The following MAPT variants were observed in gnomAD, a reference collection of about 807,000 sequenced individuals.
MAPT encodes the protein microtubule associated protein tau.
Under a neutral mutation model 67.9 loss-of-function variants are expected in MAPT, and 34 were observed. That is an observed-to-expected ratio of 0.50 (90% CI 0.38 to 0.67). The LOEUF (loss-of-function observed/expected upper bound fraction) is 0.67, where lower values mean the gene tolerates loss of function less well. Ranked by LOEUF, MAPT falls within the 30% of genes least tolerant of loss-of-function variation. The pLI is 0.00. For missense variants in MAPT, 881 were observed against 1,115.2 expected (o/e 0.79, Z 2.99); for synonymous variants, 456 against 464.5 (o/e 0.98, Z 0.23).
At chr17:45,956,374 C>G (rs2069654364) in intron 1 of MAPT, among the ~76,000 whole-genome samples, 1 of 152,032 alleles carries the variant, frequency 6.6e-6, no homozygotes, top group Non-Finnish European at 1.5e-5. Context: ...TCCCTGGCTT[C>G]TCACACTTCC....
rs565535494 is a variant in MAPT, at chr17:46,024,254, G to C, written c.*83G>C. 1.6e-6 allele frequency: 2 copies of C among 1,224,204 alleles called. No individual in the cohort carries two copies. Among genetic ancestry groups the C allele is most frequent in the African/African-American group, 3.0e-5 (2 of 67,018 alleles). The allele number at this position is 1,224,204 out of a possible 1,614,324, so 75.8% of individuals were successfully genotyped here. On this transcript the variant is annotated 3_prime_UTR_variant, in exon 13 of 13. Transcript: ENST00000262410. ...AAAAAAGAATAATGACCCGGCCCCCGCCCTCTGCCCCCAGCTGCTCCTCGC... is the reference window on the plus strand; with the variant it reads ...AAAAAAGAATAATGACCCGGCCCCCCCCCTCTGCCCCCAGCTGCTCCTCGC...
intron 1 of MAPT, among the ~76,000 whole-genome samples, chr17:45,942,542 C>G (rs554488980): frequency 2.0e-5 from 3 of 152,332 alleles, no homozygotes; most frequent in Non-Finnish European, 2.9e-5. Flanking sequence ...ATTGCTTCCC[C>G]GCTGGTGGAC....
chr17:46,019,093 A>G (rs1311210110), intron 12 of MAPT, among the ~76,000 whole-genome samples: 1 of 152,342 alleles, frequency 6.6e-6, no homozygotes, highest in Non-Finnish European at 1.5e-5. Flanking sequence ...TTATAAAGGA[A>G]AGAGGTTTAA....
chr17:45,899,188 TAG>T (rs908461710), intron 1 of MAPT, among the ~76,000 whole-genome samples: 10 of 152,168 alleles, frequency 6.6e-5, no homozygotes, highest in African/African-American at 2.4e-4. Flanking sequence ...CTGAGATGTC[TAG>T]AGAGATGTTT....
In MAPT at chr17:45,952,601, A is replaced by G. The variant is rs924093547; in HGVS notation, c.-17-9720A>G. On this transcript the variant is annotated intron_variant, in intron 1 of 12. Coordinates refer to ENST00000262410, the MANE Select transcript of MAPT (RefSeq NM_001377265.1). The stretch of plus-strand genomic sequence containing the variant: ...GGGGTTCATGACCAGCCTGGGCAAC[A>G]TAGTGAAACCCCATCTCTACAAAAA... Among the ~76,000 whole-genome samples the G allele has an allele frequency of 5.9e-5, 9 of 152,234 alleles. No homozygotes were observed. In the East Asian group the frequency reaches 1.7e-3, roughly 29 times the overall value.
rs1260490267 is a variant in MAPT at position 45,983,885 on chromosome 17, G to T, written c.1306G>T (p.Ala436Ser). The T allele has an allele frequency of 7.5e-6, 12 of 1,592,430 alleles. No individual in the cohort carries two copies. The highest frequency in any genetic ancestry group is 1.0e-5 in the Non-Finnish European group (12 of 1,171,990). ...LPEPSEKQPA[A>S]APRGKPVSRV... ...AGAGCCCTCTGAAAAGCAGCCTGCTGCTGCTCCGCGGGGGAAGCCCGTCAG... is the reference window on the plus strand; with the variant it reads ...AGAGCCCTCTGAAAAGCAGCCTGCTTCTGCTCCGCGGGGGAAGCCCGTCAG... Residue 436 changes from alanine (A) to serine (S), a missense_variant, in exon 5 of 13, where the codon GCT (alanine) becomes TCT (serine). Transcript: ENST00000262410.
Position 45,941,673 on chromosome 17 carries a change from C to CCCTTCCCTCCTTCCCT in MAPT, c.-17-20634_-17-20633insCTCCTTCCCTCCTTCC, listed in dbSNP as rs1568207337. Among the ~76,000 whole-genome samples the CCCTTCCCTCCTTCCCT allele has an allele frequency of 3.9e-4, 11 of 28,502 alleles. No individual in the cohort carries two copies. The East Asian group carries it at 5.5e-3, about 14-fold the overall frequency. 18.7% of individuals were successfully genotyped at this position (28,502 alleles called of 152,430 possible). A position where few individuals can be genotyped will look rare whatever the true frequency, so the allele number is the denominator to read the frequency against. ...CCCCTTCCACCCTTCCCCCCTTCCCCCCTTCCCTCCTTCCTTCCTTCCTTC... is the reference window on the plus strand; with the variant it reads ...CCCCTTCCACCCTTCCCCCCTTCCCCCCTTCCCTCCTTCCCTCCTTCCCTCCTTCCTTCCTTCCTTC... On this transcript the variant is annotated intron_variant, in intron 1 of 12. Transcript: ENST00000262410.
chr17:46,018,775 G>A (rs2076345742), intron 12 of MAPT, 45 bp downstream of exon 12: 3 of 1,356,558 alleles, frequency 2.2e-6, no homozygotes, highest in African/African-American at 1.4e-5. Context: ...GGGTATATGG[G>A]CATTAATCAA....
intron 1 of MAPT, among the ~76,000 whole-genome samples, chr17:45,909,869 C>CA (rs59131080): frequency 0.024 from 1,413 of 59,540 alleles, 50 homozygotes; most frequent in East Asian, 0.061. Context: ...GACTCTGTCT[C>CA]AAAAAAAAAA....
At chr17:46,004,846 C>T (rs1246308888) in intron 9 of MAPT, among the ~76,000 whole-genome samples, 2 of 152,126 alleles carry the variant, frequency 1.3e-5, no homozygotes, top group East Asian at 1.9e-4. Context: ...TGCAGTGGTG[C>T]GATCTCCGCC....
intron 1 of MAPT, among the ~76,000 whole-genome samples, chr17:45,902,263 G>T (rs951662881): frequency 6.6e-6 from 1 of 152,102 alleles, no homozygotes; most frequent in East Asian, 1.9e-4. Context: ...TAGGGATGGG[G>T]TATCGCCATG....
At position 45,903,801 on chromosome 17, in the gene MAPT, TATATA is replaced by T. The variant is rs1191931758; in HGVS notation, c.-18+9126_-18+9130del. 1.2e-4 allele frequency among the ~76,000 whole-genome samples: 7 copies of T among 59,252 alleles called. 1 individual carries two copies. In the South Asian group the frequency reaches 1.5e-3, roughly 13 times the overall value. 38.9% of individuals were successfully genotyped at this position (59,252 alleles called of 152,430 possible). ...TATATTAAAATATAATATATATATT[TATATA>T]ATATAATATATAAATATATTATATA... On this transcript the variant is annotated intron_variant, in intron 1 of 12. Transcript: ENST00000262410.
chr17:46,025,404 C>T lies in MAPT; in HGVS notation c.*1233C>T, dbSNP rs1290887585. On this transcript the variant is annotated 3_prime_UTR_variant, in exon 13 of 13. Coordinates refer to ENST00000262410, the MANE Select transcript of MAPT (RefSeq NM_001377265.1). ...ACGTCACAATGTCCCGAATTCCCAG[C>T]CTCACCACCCCTTCTCAGTAATGAC... is the stretch of plus-strand genomic sequence containing the variant. 1 of 152,930 alleles carries T rather than the reference C, an allele frequency of 6.5e-6. No homozygotes were observed. Among genetic ancestry groups the T allele is most frequent in the Non-Finnish European group, 1.5e-5 (1 of 68,270 alleles). The allele number at this position is 152,930 out of a possible 1,614,324, so 9.5% of individuals were successfully genotyped here. A position where few individuals can be genotyped will look rare whatever the true frequency, so the allele number is the denominator to read the frequency against.
chr17:45,988,452 A>C (rs2073783038), intron 6 of MAPT, among the ~76,000 whole-genome samples: 1 of 152,094 alleles, frequency 6.6e-6, no homozygotes, highest in South Asian at 2.1e-4. Flanking sequence ...CCCCACGGGC[A>C]GGACGAACTG....
rs1487055689 is a variant in MAPT at position 45,896,753 on chromosome 17, A to C, written c.-18+2067A>C. 1 of 152,208 alleles carries C rather than the reference A, an allele frequency of 6.6e-6. No individual in the cohort carries two copies. Among genetic ancestry groups the C allele is most frequent in the Non-Finnish European group, 1.5e-5 (1 of 68,056 alleles). 9.4% of individuals were successfully genotyped at this position (152,208 alleles called of 1,614,324 possible). A position where few individuals can be genotyped will look rare whatever the true frequency, so the allele number is the denominator to read the frequency against. Reference sequence around the variant, plus strand: ...ATTAATATTATGTCCGTACTGATTAATATTATTTATCTTAAATAAATTTCA... The same window carrying C: ...ATTAATATTATGTCCGTACTGATTACTATTATTTATCTTAAATAAATTTCA... On this transcript the variant is annotated intron_variant, in intron 1 of 12. Coordinates refer to ENST00000262410, the MANE Select transcript of MAPT (RefSeq NM_001377265.1). This position sits in a 1 kb window ranked among gnomAD's most constrained non-coding sequence, Gnocchi z 5.6.
chr17:45,947,687 C>T (rs956674939), intron 1 of MAPT, among the ~76,000 whole-genome samples: 9 of 152,118 alleles, frequency 5.9e-5, no homozygotes, highest in Admixed American at 5.2e-4. Context: ...CGCGCCTGGC[C>T]TTGCTGTTGA....
chr17:45,993,649 A>G, intron 8 of MAPT, among the ~76,000 whole-genome samples: 1 of 152,120 alleles, frequency 6.6e-6, no homozygotes, highest in Non-Finnish European at 1.5e-5. Context: ...CCTGACCTCA[A>G]GTGATCCGCC....
At chr17:45,960,238 C>T (rs2145266748) in intron 1 of MAPT, among the ~76,000 whole-genome samples, 1 of 152,366 alleles carries the variant, frequency 6.6e-6, no homozygotes, top group Non-Finnish European at 1.5e-5. Context: ...TGCTTCAAGG[C>T]CATTTTTCAC....
intron 8 of MAPT, 59 bp downstream of exon 8, chr17:45,991,645 T>G (rs1009968280): frequency 3.6e-5 from 58 of 1,613,048 alleles, no homozygotes; most frequent in Non-Finnish European, 4.7e-5. Flanking sequence ...GGTACAGCCT[T>G]CATTTTAGGA....
Sources: allele counts gnomAD v4.1 joint callset (sites outside exome capture counted in the v4.1 genomes callset), GRCh38; gene constraint gnomAD v4.1.1; non-coding constraint Gnocchi (gnomAD v3.1); transcripts MANE v1.5; gene names NCBI Gene and HGNC (gene_info 2026-07-23, HGNC 2026-07-21).